FNIP2: variants seen among roughly 807,000 people sequenced by gnomAD.
The protein encoded by FNIP2 is folliculin-interacting protein 2.
A neutral mutation model predicts 108.7 loss-of-function variants in FNIP2; 32 were observed. That is an observed-to-expected ratio of 0.29 (90% CI 0.22 to 0.40). The LOEUF is 0.40. FNIP2 is among the 10% of genes least tolerant of loss of function. The pLI is 1.00. For missense variants in FNIP2, 1,202 were observed against 1,381.6 expected, an observed-to-expected ratio of 0.87 and a Z score of 2.06; for synonymous variants, 480 against 496.7, an observed-to-expected ratio of 0.97 and a Z score of 0.45.
At chr4:158,900,271 A>G (rs188939034) in intron 16 of FNIP2, among the ~76,000 whole-genome samples, 84 of 152,278 alleles carry the variant, frequency 5.5e-4, no homozygotes, top group Admixed American at 1.8e-3. Context: ...TTTTGTGGTC[A>G]ATTTTAGAAT....
chr4:158,807,998 G>C (rs1297698680), intron 1 of FNIP2, among the ~76,000 whole-genome samples: 1 of 152,200 alleles, frequency 6.6e-6, no homozygotes, highest in Non-Finnish European at 1.5e-5. Context: ...GAGTAACGGA[G>C]TGACACTCAA....
intron 1 of FNIP2, among the ~76,000 whole-genome samples, chr4:158,817,951 G>A (rs772383147): frequency 1.3e-5 from 2 of 152,240 alleles, no homozygotes; most frequent in African/African-American, 4.8e-5. Flanking sequence ...CTGACATCCC[G>A]TGCAGTGCTC....
intron 8 of FNIP2, among the ~76,000 whole-genome samples, chr4:158,855,593 G>A (rs541315076): frequency 1.1e-4 from 17 of 152,302 alleles, no homozygotes; most frequent in East Asian, 7.7e-4. Context: ...GATTACAGGC[G>A]TGTGCCACCA....
At chr4:158,880,337 G>A (rs373348834) in intron 14 of FNIP2, among the ~76,000 whole-genome samples, 29 of 152,202 alleles carry the variant, frequency 1.9e-4, no homozygotes, top group African/African-American at 5.3e-4. Flanking sequence ...GCAAACTATC[G>A]CAAGGACAGA....
chr4:158,855,327 G>A (rs1779922463), intron 8 of FNIP2, among the ~76,000 whole-genome samples: 1 of 152,222 alleles, frequency 6.6e-6, no homozygotes, highest in African/African-American at 2.4e-5. Context: ...TGGGGCCCTT[G>A]TGAGAGGGGG....
chr4:158,797,705 AAAC>A (rs1776633038), intron 1 of FNIP2, among the ~76,000 whole-genome samples: 2 of 152,172 alleles, frequency 1.3e-5, no homozygotes, highest in Admixed American at 6.5e-5. Flanking sequence ...TCTCAAAACA[AAAC>A]AAAACAAAAC....
At chr4:158,854,064 C>T (rs1779849217) in intron 8 of FNIP2, among the ~76,000 whole-genome samples, 1 of 152,198 alleles carries the variant, frequency 6.6e-6, no homozygotes, top group Non-Finnish European at 1.5e-5. Context: ...CATTCAATTT[C>T]TATTTCTATG....
chr4:158,897,383 T>C (rs2126789245), intron 16 of FNIP2, among the ~76,000 whole-genome samples: 1 of 152,342 alleles, frequency 6.6e-6, no homozygotes, highest in Middle Eastern at 3.4e-3. Flanking sequence ...GGTCAGATGG[T>C]ATTTCTAGTT....
Position 158,788,306 on chromosome 4 carries a change from A to G in FNIP2, c.107+18987A>G, listed in dbSNP as rs533560725. ...CCCCCTGGAGTATAATTGCCTGTGC[A>G]TGACTTACTACTCCCCTCTGAGGAC... On this transcript the variant is annotated intron_variant, in intron 1 of 16. Transcript: ENST00000264433. Among the ~76,000 whole-genome samples, 24 of 152,350 alleles carry G rather than the reference A, an allele frequency of 1.6e-4. No homozygotes were observed. In the South Asian group the frequency reaches 5.0e-3, roughly 32 times the overall value.
intron 1 of FNIP2, among the ~76,000 whole-genome samples, chr4:158,787,504 C>T (rs1776262092): frequency 6.6e-6 from 1 of 152,134 alleles, no homozygotes; most frequent in African/African-American, 2.4e-5. Flanking sequence ...GCTCACTCAC[C>T]AGGGCTACAG....
chr4:158,853,465 G>A (rs1779810676), intron 8 of FNIP2, among the ~76,000 whole-genome samples: 1 of 152,108 alleles, frequency 6.6e-6, no homozygotes, highest in Non-Finnish European at 1.5e-5. Flanking sequence ...CCATGTTGGT[G>A]TGCTGCACCC....
rs1204608231 is a variant in FNIP2, at chr4:158,868,926, T to C, written c.2290T>C (p.Ser764Pro). 3 of 1,613,934 alleles carry C rather than the reference T, an allele frequency of 1.9e-6. No homozygotes were observed. Among genetic ancestry groups the C allele is most frequent in the East Asian group, 4.5e-5 (2 of 44,874 alleles). ...TGATGTGGCTCAGGACCCGCAGGTT[T>C]CTAGGAGCCCTTTTAAACCTGGCTT... ...AADVAQDPQV[S>P]RSPFKPGFQE... The change falls in exon 13 of 17, where the codon TCT (serine) becomes CCT (proline). Residue 764 changes from serine to proline, a missense_variant. By Grantham distance (74) the Ser-to-Pro change is moderately conservative (BLOSUM62 -1). Transcript: ENST00000264433. The surrounding 1 kb of genome is among the most constrained non-coding windows in gnomAD (Gnocchi z 4.6).
At position 158,904,242 on chromosome 4, in the gene FNIP2, C is replaced by G. The variant is rs3756080; in HGVS notation, c.3267-224C>G. Among the ~76,000 whole-genome samples, 9 of 152,266 alleles carry G rather than the reference C, an allele frequency of 5.9e-5. No individual in the cohort carries two copies. In the South Asian group the frequency reaches 1.0e-3, roughly 18 times the overall value. ...GTCCACACACAGGCACAACACACTT[C>G]CTGTATTTCTCTCCCTTTGCCTCCC... On this transcript the variant is annotated intron_variant, in intron 16 of 16. Transcript: ENST00000264433.
chr4:158,803,257 G>A (rs544373820), intron 1 of FNIP2, among the ~76,000 whole-genome samples: 16 of 152,192 alleles, frequency 1.1e-4, no homozygotes, highest in Non-Finnish European at 1.9e-4. Context: ...CATGTGTAGG[G>A]TTACAAATAG....
At chr4:158,871,574 G>A (rs946259755) in intron 14 of FNIP2, 10 of 985,286 alleles carry the variant, frequency 1.0e-5, no homozygotes, top group African/African-American at 7.0e-5. Context: ...CTCCCTCAAT[G>A]GGGAGGGCTA....
intron 1 of FNIP2, among the ~76,000 whole-genome samples, chr4:158,783,204 A>G (rs988773304): frequency 5.3e-5 from 8 of 152,194 alleles, no homozygotes; most frequent in Admixed American, 2.0e-4. Context: ...TTCCTTTCAG[A>G]ATTATGTCAA....
intron 1 of FNIP2, among the ~76,000 whole-genome samples, chr4:158,783,554 A>C (rs1210287604): frequency 6.6e-6 from 1 of 152,192 alleles, no homozygotes; most frequent in Non-Finnish European, 1.5e-5. Flanking sequence ...AATATTTGGC[A>C]TGTGGATCTA....
At chr4:158,847,979 G>C (rs1281052762) in intron 7 of FNIP2, among the ~76,000 whole-genome samples, 1 of 152,190 alleles carries the variant, frequency 6.6e-6, no homozygotes, top group African/African-American at 2.4e-5. Context: ...CCCAGCTGCA[G>C]CAGAACAGAG....
intron 1 of FNIP2, among the ~76,000 whole-genome samples, chr4:158,822,981 A>G (rs918273798): frequency 2.3e-4 from 35 of 152,196 alleles, no homozygotes; most frequent in Admixed American, 2.3e-3. Flanking sequence ...GAAAAATAAC[A>G]TGAAACATTT....
Sources: gnomAD v4.1 joint callset for allele counts (sites outside exome capture counted in the v4.1 genomes callset) on GRCh38, gnomAD v4.1.1 for gene constraint, Gnocchi (gnomAD v3.1) non-coding constraint, MANE v1.5 for transcripts, NCBI Gene and HGNC (gene_info 2026-07-23, HGNC 2026-07-21) for gene names.